Variants in ZNHIT6 observed in about 807,000 individuals in gnomAD.
The protein encoded by ZNHIT6 is box C/D snoRNA protein 1.
A neutral mutation model predicts 57.2 loss-of-function variants in ZNHIT6; 45 were observed. That is an observed-to-expected ratio of 0.79 (90% CI 0.62 to 1.01). The LOEUF is 1.01. Among genes scored for constraint, ZNHIT6 ranks in the 50% least tolerant of loss-of-function variants. The pLI, the probability that ZNHIT6 is intolerant of heterozygous loss-of-function variation, is 0.00. For synonymous variants in ZNHIT6, 188 were observed against 190.0 expected (o/e 0.99, Z 0.09); for missense variants, 528 against 567.3 (o/e 0.93, Z 0.70).
At chr1:85,676,431 G>C (rs1002253094) in intron 8 of ZNHIT6, among the ~76,000 whole-genome samples, 2 of 150,680 alleles carry the variant, frequency 1.3e-5, no homozygotes, top group Non-Finnish European at 1.5e-5. Flanking sequence ...TTTTTCCTTT[G>C]CAATCACGAC....
chr1:85,700,673 G>A (rs902026722), intron 5 of ZNHIT6, among the ~76,000 whole-genome samples: 1 of 152,138 alleles, frequency 6.6e-6, no homozygotes, highest in Non-Finnish European at 1.5e-5. Flanking sequence ...AACACATTTT[G>A]TATTTGAGAA....
chr1:85,671,768 T>A (rs1011395451), intron 8 of ZNHIT6, among the ~76,000 whole-genome samples: 2 of 152,210 alleles, frequency 1.3e-5, no homozygotes, highest in African/African-American at 4.8e-5. Flanking sequence ...AAAACAGGCT[T>A]AGTAACTTTC....
intron 8 of ZNHIT6, among the ~76,000 whole-genome samples, chr1:85,665,199 C>T (rs891634355): frequency 6.6e-6 from 1 of 152,132 alleles, no homozygotes; most frequent in African/African-American, 2.4e-5. Flanking sequence ...AACACCTCTC[C>T]TTAATTGGTT....
At chr1:85,702,108 A>C in intron 5 of ZNHIT6, 49 bp downstream of exon 5, 1 of 1,308,826 alleles carries the variant, frequency 7.6e-7, no homozygotes, top group South Asian at 1.3e-5. Context: ...TTAAAGAATG[A>C]TCCTGATCAA....
chr1:85,692,767 C>G (rs1323368229), intron 5 of ZNHIT6, among the ~76,000 whole-genome samples: 1 of 149,482 alleles, frequency 6.7e-6, no homozygotes, highest in Non-Finnish European at 1.5e-5. Flanking sequence ...TACCACATAA[C>G]TGTTTAAGGA....
Position 85,708,103 on chromosome 1 carries a change from T to C in ZNHIT6, c.182A>G (p.Glu61Gly), listed in dbSNP as rs201029574. 1 of 1,614,052 alleles carries C rather than the reference T, an allele frequency of 6.2e-7. No homozygotes were observed. Among genetic ancestry groups the C allele is most frequent in the Non-Finnish European group, 8.5e-7 (1 of 1,180,010 alleles). ...CTCTGGCCTTTGTCCACTTCCTTCC[T>C]CTCCATCCCCTATCTCCTTTATCCC... ...LTGIKEIGDG[E>G]EGSGQRPEEI... Residue 61 changes from glutamate (E) to glycine (G), a missense_variant, in exon 1 of 10, where the codon GAG (glutamate) becomes GGG (glycine). Physicochemically the swap from Glu to Gly is moderately conservative, Grantham distance 98. Transcript: ENST00000370574.
chr1:85,658,027 T>C, intron 8 of ZNHIT6, 56 bp from the exon 9 acceptor site: 2 of 1,205,182 alleles, frequency 1.7e-6, no homozygotes, highest in Non-Finnish European at 2.3e-6. Context: ...TCAAAATTAC[T>C]AATAGATAAA....
chr1:85,699,639 T>C (rs1662473075), intron 5 of ZNHIT6, among the ~76,000 whole-genome samples: 1 of 152,174 alleles, frequency 6.6e-6, no homozygotes, highest in East Asian at 1.9e-4. Context: ...TAATGTTTTA[T>C]GGAGACAATG....
intron 7 of ZNHIT6, 25 bp from the exon 8 acceptor site, chr1:85,677,338 G>A (rs1365628617): frequency 2.5e-6 from 4 of 1,575,586 alleles, no homozygotes; most frequent in Non-Finnish European, 2.6e-6. Context: ...TCATATTGAA[G>A]GAAAAGCTGA....
intron 6 of ZNHIT6, among the ~76,000 whole-genome samples, 170 bp from the exon 7 acceptor site, chr1:85,678,951 A>G (rs1661784799): frequency 6.6e-6 from 1 of 152,146 alleles, no homozygotes; most frequent in African/African-American, 2.4e-5. Context: ...AAAATTACTT[A>G]GGAAAAAGCT....
At chr1:85,705,167 C>T (rs1275133792) in intron 4 of ZNHIT6, among the ~76,000 whole-genome samples, 1 of 152,156 alleles carries the variant, frequency 6.6e-6, no homozygotes. Flanking sequence ...GTTCAAAACC[C>T]TTCCATGGTT....
At chr1:85,671,914 C>T (rs1661565982) in intron 8 of ZNHIT6, among the ~76,000 whole-genome samples, 1 of 152,058 alleles carries the variant, frequency 6.6e-6, no homozygotes, top group South Asian at 2.1e-4. Flanking sequence ...TTACAATAAA[C>T]TTTTATTTAT....
intron 4 of ZNHIT6, among the ~76,000 whole-genome samples, chr1:85,702,585 T>A (rs78029975): frequency 6.6e-6 from 1 of 152,126 alleles, no homozygotes; most frequent in Non-Finnish European, 1.5e-5. Flanking sequence ...TTAATGGAGA[T>A]TAAACAAACA....
intron 8 of ZNHIT6, among the ~76,000 whole-genome samples, chr1:85,661,605 TTGTCACATTTA>T (rs1312189516): frequency 6.6e-6 from 1 of 152,234 alleles, no homozygotes; most frequent in Non-Finnish European, 1.5e-5. Flanking sequence ...CATTATTTTA[TTGTCACATTTA>T]CTTCCAAGAA....
rs184704954 is a variant in ZNHIT6, at chr1:85,653,427, G to C, written c.*631C>G. On this transcript the variant is annotated 3_prime_UTR_variant, in exon 10 of 10. Coordinates refer to ENST00000370574, the MANE Select transcript of ZNHIT6 (RefSeq NM_017953.4). ...TAAAGGGAATGCCAACTTTGTGGTT[G>C]ACATGGGTGATCCTTGGGTTTCGTC... The C allele has an allele frequency of 5.3e-5, 8 of 152,218 alleles. No homozygotes were observed. Among genetic ancestry groups the C allele is most frequent in the African/African-American group, 1.7e-4 (7 of 41,510 alleles). 9.4% of individuals were successfully genotyped at this position (152,218 alleles called of 1,614,324 possible).
At chr1:85,662,560 T>C (rs957949192) in intron 8 of ZNHIT6, among the ~76,000 whole-genome samples, 1 of 152,234 alleles carries the variant, frequency 6.6e-6, no homozygotes, top group African/African-American at 2.4e-5. Context: ...TTAAAATTTC[T>C]CCAAATAATA....
At chr1:85,689,036 TC>T (rs1245998783) in intron 5 of ZNHIT6, among the ~76,000 whole-genome samples, 1 of 152,196 alleles carries the variant, frequency 6.6e-6, no homozygotes, top group African/African-American at 2.4e-5. Flanking sequence ...TACAAACATT[TC>T]TGCTATGTTT....
At position 85,683,191 on chromosome 1, in the gene ZNHIT6, G is replaced by A. The variant is rs567491816; in HGVS notation, c.1020-2287C>T. 5.3e-5 allele frequency among the ~76,000 whole-genome samples: 8 copies of A among 152,146 alleles called. No individual in the cohort carries two copies. The East Asian group carries it at 1.4e-3, about 26-fold the overall frequency. On this transcript the variant is annotated intron_variant, in intron 5 of 9. Transcript: ENST00000370574. ...GCGACTGCGTCACTGCACTTCACCT[G>A]GGTGACACAATGAGACCCTGTTTCA...
At chr1:85,698,922 T>C (rs1020129839) in intron 5 of ZNHIT6, among the ~76,000 whole-genome samples, 2 of 152,148 alleles carry the variant, frequency 1.3e-5, no homozygotes, top group Non-Finnish European at 1.5e-5. Context: ...TAAATTTTCA[T>C]TGTCACTGTA....
Sources: gnomAD v4.1 joint callset for allele counts (sites outside exome capture counted in the v4.1 genomes callset) on GRCh38, gnomAD v4.1.1 for gene constraint, MANE v1.5 for transcripts, NCBI Gene and HGNC (gene_info 2026-07-23, HGNC 2026-07-21) for gene names.